HDAC4: variants seen among roughly 807,000 people sequenced by gnomAD.
HDAC4 encodes histone deacetylase 4.
In HDAC4, 16 loss-of-function variants were observed where a neutral mutation model predicts 135.1. The observed-to-expected ratio is 0.12, with a 90% CI of 0.08 to 0.18. The LOEUF is 0.18. Ranked by LOEUF, HDAC4 falls within the 10% of genes least tolerant of loss-of-function variation. HDAC4 has a pLI of 1.00. For missense variants in HDAC4, 1,143 were observed against 1,511.8 expected (o/e 0.76, Z 4.05); for synonymous variants, 685 against 653.4 (o/e 1.05, Z -0.74).
chr2:239,122,940 C>T (rs761642811), intron 12 of HDAC4, among the ~76,000 whole-genome samples: 3 of 152,168 alleles, frequency 2.0e-5, no homozygotes, highest in Admixed American at 6.5e-5. Flanking sequence ...CCCCTGGGGA[C>T]GTCATCCTCC....
intron 3 of HDAC4, among the ~76,000 whole-genome samples, chr2:239,226,437 G>A (rs936437223): frequency 2.6e-5 from 4 of 152,114 alleles, no homozygotes; most frequent in Admixed American, 1.3e-4. Context: ...TCCCTCTAAA[G>A]TAGAGAAACA....
rs572024881 is a variant in HDAC4 at position 239,084,140 on chromosome 2, G to A, written c.2532+15C>T. ...GAGCAACCTGAGCTGCGCTGGCCAA[G>A]GCGGCTCTGCTTACCCAGTCCACGA... On this transcript the variant is annotated intron_variant, in intron 20 of 26. Coordinates refer to ENST00000543185, the MANE Select transcript of HDAC4 (RefSeq NM_001378414.1). 6.2e-6 allele frequency: 10 copies of A among 1,604,264 alleles called. No individual in the cohort carries two copies. The highest frequency in any genetic ancestry group is 3.3e-4 in the Middle Eastern group (2 of 6,048).
chr2:239,317,310 G>C (rs2053150523), intron 2 of HDAC4, among the ~76,000 whole-genome samples: 1 of 149,692 alleles, frequency 6.7e-6, no homozygotes, highest in African/African-American at 2.5e-5. Context: ...TGTGTGGGTG[G>C]GGCCGGCGTG....
chr2:239,179,585 G>A (rs1274853459), intron 4 of HDAC4, among the ~76,000 whole-genome samples: 1 of 152,174 alleles, frequency 6.6e-6, no homozygotes, highest in Non-Finnish European at 1.5e-5. Flanking sequence ...CATCTTCCAC[G>A]AAACCGGTCC....
Position 239,349,232 on chromosome 2 carries a change from CGA to C in HDAC4, c.22+3444_22+3445del, listed in dbSNP as rs1692944851. ...CAGGGCCAGCTAGCAGAGGACGGCA[CGA>C]GAGACACACGGAGGGAGGGGAGGTG... On this transcript the variant is annotated intron_variant, in intron 2 of 26. Coordinates refer to ENST00000543185, the MANE Select transcript of HDAC4 (RefSeq NM_001378414.1). The surrounding 1 kb of genome is among the most constrained non-coding windows in gnomAD (Gnocchi z 5.7). 6.6e-6 allele frequency among the ~76,000 whole-genome samples: 1 copy of C among 152,100 alleles called. No individual in the cohort carries two copies. Among genetic ancestry groups the C allele is most frequent in the Admixed American group, 6.5e-5 (1 of 15,272 alleles).
At chr2:239,398,182 C>T (rs1325189915) in intron 1 of HDAC4, among the ~76,000 whole-genome samples, 5 of 152,254 alleles carry the variant, frequency 3.3e-5, no homozygotes, top group African/African-American at 7.2e-5. Context: ...GGCTCCTTCG[C>T]GCCCTACATC....
At chr2:239,219,135 C>G (rs1252039892) in intron 3 of HDAC4, among the ~76,000 whole-genome samples, 1 of 146,648 alleles carries the variant, frequency 6.8e-6, no homozygotes, top group Admixed American at 6.9e-5. Flanking sequence ...ACCCAAAGGA[C>G]TATAAATCAT....
At position 239,112,907 on chromosome 2, in the gene HDAC4, C is replaced by G. The variant is rs201790270; in HGVS notation, c.1792-1195G>C. 1.6e-4 allele frequency among the ~76,000 whole-genome samples: 25 copies of G among 152,298 alleles called. No homozygotes were observed. In the East Asian group the frequency reaches 4.3e-3, roughly 26 times the overall value. ...AGCACTGGGGGAAACCAGAGCTACC[C>G]GGCCAGGCTCCGATCTGTCCTGCCT... On this transcript the variant is annotated intron_variant, in intron 13 of 26. Coordinates refer to ENST00000543185, the MANE Select transcript of HDAC4 (RefSeq NM_001378414.1).
intron 1 of HDAC4, among the ~76,000 whole-genome samples, chr2:239,372,926 C>T (rs1190849800): frequency 3.9e-5 from 6 of 152,304 alleles, no homozygotes. Flanking sequence ...TCTTCCGTTT[C>T]TCATTCAATA....
chr2:239,078,073 G>C (rs1383272843), intron 22 of HDAC4, among the ~76,000 whole-genome samples: 3 of 152,188 alleles, frequency 2.0e-5, no homozygotes, highest in Non-Finnish European at 4.4e-5. Context: ...TGACGGAAGA[G>C]TCCCCATGTC....
intron 24 of HDAC4, among the ~76,000 whole-genome samples, chr2:239,058,530 A>G (rs2032210789): frequency 6.6e-6 from 1 of 152,248 alleles, no homozygotes; most frequent in Non-Finnish European, 1.5e-5. Flanking sequence ...AAAGTCCCAA[A>G]GGAAAACTGA....
chr2:239,355,634 G>T (rs1693440880), intron 1 of HDAC4, among the ~76,000 whole-genome samples: 2 of 152,148 alleles, frequency 1.3e-5, no homozygotes, highest in South Asian at 2.1e-4. Context: ...ATATTCTTCT[G>T]CACTTCAGGG....
intron 5 of HDAC4, among the ~76,000 whole-genome samples, chr2:239,168,705 C>T (rs1021333115): frequency 2.6e-5 from 4 of 152,338 alleles, no homozygotes; most frequent in East Asian, 1.9e-4. Flanking sequence ...TGGGGGAAGA[C>T]GCCGGCTTGG....
rs1248432594 is a variant in HDAC4, at chr2:239,400,128, G to A, written c.-220+850C>T. 6.6e-6 allele frequency among the ~76,000 whole-genome samples: 1 copy of A among 151,368 alleles called. No homozygotes were observed. Among genetic ancestry groups the A allele is most frequent in the African/African-American group, 2.4e-5 (1 of 41,170 alleles). On this transcript the variant is annotated intron_variant, in intron 1 of 26. Transcript: ENST00000543185. The surrounding 1 kb of genome is among the most constrained non-coding windows in gnomAD (Gnocchi z 4.7). ...GCCGGCAAACGCGGATCCCACCCCCGAGCGGGACCGGGCCCCGTCTCGGCC... is the reference window on the plus strand; with the variant it reads ...GCCGGCAAACGCGGATCCCACCCCCAAGCGGGACCGGGCCCCGTCTCGGCC...
At chr2:239,074,855 T>C (rs1307665268) in intron 22 of HDAC4, among the ~76,000 whole-genome samples, 1 of 152,190 alleles carries the variant, frequency 6.6e-6, no homozygotes, top group Admixed American at 6.5e-5. Context: ...TGAAGGAATG[T>C]CCCTGTTTAA....
At chr2:239,266,730 TTCC>T (rs1214941938) in intron 2 of HDAC4, among the ~76,000 whole-genome samples, 1 of 152,070 alleles carries the variant, frequency 6.6e-6, no homozygotes, top group Non-Finnish European at 1.5e-5. Context: ...ATGTCACCAT[TTCC>T]AGGTAGCCCA....
intron 2 of HDAC4, among the ~76,000 whole-genome samples, chr2:239,302,111 G>A (rs2052303480): frequency 6.6e-6 from 1 of 152,128 alleles, no homozygotes; most frequent in South Asian, 2.1e-4. Flanking sequence ...AAATCAATCA[G>A]AAAACATTCT....
chr2:239,076,549 A>G (rs2034784277), intron 22 of HDAC4, among the ~76,000 whole-genome samples: 2 of 152,000 alleles, frequency 1.3e-5, no homozygotes, highest in African/African-American at 4.8e-5. Context: ...CACAAGCCTC[A>G]GAGCAAACCG....
chr2:239,159,844 C>T (rs3791512), intron 6 of HDAC4, among the ~76,000 whole-genome samples: 52 of 152,214 alleles, frequency 3.4e-4, no homozygotes, highest in Non-Finnish European at 6.9e-4. Context: ...GGATGGGACA[C>T]AGACGCTGGG....
Sources: allele counts gnomAD v4.1 joint callset (sites outside exome capture counted in the v4.1 genomes callset), GRCh38; gene constraint gnomAD v4.1.1; non-coding constraint Gnocchi (gnomAD v3.1); transcripts MANE v1.5; gene names NCBI Gene and HGNC (gene_info 2026-07-23, HGNC 2026-07-21).